The following RECQL4 variants were observed in gnomAD, a reference collection of about 807,000 sequenced individuals.
The protein encoded by RECQL4 is ATP-dependent DNA helicase Q4.
Under a neutral mutation model 128.6 loss-of-function variants are expected in RECQL4, and 158 were observed. The observed-to-expected ratio is 1.23, with a 90% CI of 1.08 to 1.40. The LOEUF (loss-of-function observed/expected upper bound fraction) is 1.40. Ranked by LOEUF, RECQL4 falls within the 40% of genes most tolerant of loss-of-function variation. RECQL4 has a pLI of 0.00. For synonymous variants in RECQL4, 996 were observed against 678.9 expected, an observed-to-expected ratio of 1.47 and a Z score of -7.26; for missense variants, 2,293 against 1,649.8, an observed-to-expected ratio of 1.39 and a Z score of -6.75.
intron 2 of RECQL4, 38 bp from the exon 3 acceptor site, chr8:144,517,546 C>G (rs1390250924): frequency 2.6e-6 from 4 of 1,531,128 alleles, no homozygotes; most frequent in Non-Finnish European, 2.6e-6. Context: ...AGGGTGGGGC[C>G]TGGGCCCCTG....
intron 13 of RECQL4, 28 bp downstream of exon 13, chr8:144,513,543 G>C (rs375367152): frequency 7.5e-6 from 12 of 1,610,572 alleles, no homozygotes; most frequent in Non-Finnish European, 9.3e-6. Flanking sequence ...GTGGGTCCAC[G>C]GGGACACCAG....
In RECQL4 at chr8:144,515,039, G is replaced by A. The variant is rs1237298928; in HGVS notation, c.1517C>T (p.Ala506Val). Residue 506 changes from alanine to valine, a missense_variant, in exon 9 of 21, where the codon GCC becomes GTC. Coordinates refer to ENST00000617875, the MANE Select transcript of RECQL4 (RefSeq NM_004260.4). ...GAGCTGGTAGCACAGGGACTTGCCG[G>A]CACCTGTAGGCAGCACCAGCAGCGT... The part of the protein sequence containing the change: ...ISTLLVLPTG[A>V]GKSLCYQLPA... The A allele has an allele frequency of 6.2e-7, 1 of 1,609,376 alleles. No homozygotes were observed. Among genetic ancestry groups the A allele is most frequent in the South Asian group, 1.1e-5 (1 of 90,396 alleles).
Position 144,513,834 on chromosome 8 carries a change from A to AGGGGTCAGCGTGGGCGGTGGGGAGTGAGG in RECQL4, c.2058+93_2058+94insCCTCACTCCCCACCGCCCACGCTGACCCC. On this transcript the variant is annotated intron_variant, in intron 12 of 20. Coordinates refer to ENST00000617875, the MANE Select transcript of RECQL4 (RefSeq NM_004260.4). ...GTCGGCGTGGGCGGTGGGGAGTGAG[A>AGGGGTCAGCGTGGGCGGTGGGGAGTGAGG]AGGGGTCGGCGTGGGCGGTGGGGAG... 5.3e-6 allele frequency: 3 copies of AGGGGTCAGCGTGGGCGGTGGGGAGTGAGG among 566,268 alleles called. 1 individual carries two copies. The highest frequency in any genetic ancestry group is 7.8e-6 in the Non-Finnish European group (3 of 386,882). The allele number at this position is 566,268 out of a possible 1,614,324, so 35.1% of individuals were successfully genotyped here.
At position 144,515,858 on chromosome 8, in the gene RECQL4, C is replaced by T; in HGVS notation, c.1164G>A (p.Glu388=). The part of the protein sequence containing the change: ...AWKQKWRKKG[E]CFGGGGATVT... Reference sequence around the variant, plus strand: ...CTGTGGCACCACCACCCCCAAAACACTCCCCTTTCTTCCGCCACTTCTGCT... The same window carrying T: ...CTGTGGCACCACCACCCCCAAAACATTCCCCTTTCTTCCGCCACTTCTGCT... Residue 388 remains glutamate, a synonymous_variant, in exon 6 of 21, where the codon GAG becomes GAA. Coordinates refer to ENST00000617875, the MANE Select transcript of RECQL4 (RefSeq NM_004260.4). The T allele has an allele frequency of 5.6e-6, 9 of 1,612,982 alleles. No individual in the cohort carries two copies. The highest frequency in any genetic ancestry group is 7.6e-6 in the Non-Finnish European group (9 of 1,179,820).
At chr8:144,517,656 C>T in intron 1 of RECQL4, 21 bp from the exon 2 acceptor site, 3 of 1,472,032 alleles carry the variant, frequency 2.0e-6, no homozygotes, top group East Asian at 5.9e-5. Flanking sequence ...AACGCGTCAG[C>T]CGCGGGCCGC....
At position 144,511,806 on chromosome 8, in the gene RECQL4, A is replaced by T. The variant is rs761949478; in HGVS notation, c.3394-17T>A. ...ATCCTGGAGCTGTGTGGACAGGCACATCAGGCTTCCTCTGAGCTCCCGTGG... is the reference window on the plus strand; with the variant it reads ...ATCCTGGAGCTGTGTGGACAGGCACTTCAGGCTTCCTCTGAGCTCCCGTGG... On this transcript the variant is annotated splice_polypyrimidine_tract_variant and intron_variant, in intron 19 of 20. Coordinates refer to ENST00000617875, the MANE Select transcript of RECQL4 (RefSeq NM_004260.4). 1.1e-5 allele frequency: 17 copies of T among 1,611,972 alleles called. No individual in the cohort carries two copies. Among genetic ancestry groups the T allele is most frequent in the Non-Finnish European group, 1.1e-5 (13 of 1,179,500 alleles).
At position 144,513,215 on chromosome 8, in the gene RECQL4, A is replaced by G. The variant is rs538535710; in HGVS notation, c.2463+3T>C. ...TGGCAGTGTGGGGGGGGGGGGTGCC[A>G]ACCTGGGGCTGCAGGAAGAGGTGGC... On this transcript the variant is annotated splice_donor_region_variant and intron_variant, in intron 14 of 20. Coordinates refer to ENST00000617875, the MANE Select transcript of RECQL4 (RefSeq NM_004260.4). The G allele has an allele frequency of 4.7e-5, 74 of 1,568,178 alleles. 1 individual carries two copies. In the East Asian group the frequency reaches 6.1e-4, roughly 13 times the overall value.
rs750896736 is a variant in RECQL4 at position 144,513,496 on chromosome 8, G to T, written c.2201-16C>A. On this transcript the variant is annotated splice_polypyrimidine_tract_variant and intron_variant, in intron 13 of 20. Coordinates refer to ENST00000617875, the MANE Select transcript of RECQL4 (RefSeq NM_004260.4). ...GGGGCACGACCTTTGGGGAAGACAG[G>T]CAGATGGTCAGTGGGATGGGACCAT... is the stretch of plus-strand genomic sequence containing the variant. 6.2e-7 allele frequency: 1 copy of T among 1,610,270 alleles called. No individual in the cohort carries two copies. The highest frequency in any genetic ancestry group is 1.1e-5 in the South Asian group (1 of 91,062).
Position 144,513,666 on chromosome 8 carries a change from G to A in RECQL4, c.2105C>T (p.Ser702Phe), listed in dbSNP as rs1320752740. 1 of 1,560,912 alleles carries A rather than the reference G, an allele frequency of 6.4e-7. No individual in the cohort carries two copies. Among genetic ancestry groups the A allele is most frequent in the Non-Finnish European group, 8.7e-7 (1 of 1,153,040 alleles). ...GCGCCGGTTGCAGTAAATGATAATG[G>A]AATCGAGGTTTTGAAAACGTTTGCC... ...LQGKRFQNLD[S>F]IIIYCNRRED... The change falls in exon 13 of 21, where the codon TCC (serine) becomes TTC (phenylalanine). Residue 702 changes from serine (S) to phenylalanine (F), a missense_variant. Transcript: ENST00000617875.
At position 144,512,579 on chromosome 8, in the gene RECQL4, G is replaced by T; in HGVS notation, c.2886-18C>A. 2 of 1,612,324 alleles carry T rather than the reference G, an allele frequency of 1.2e-6. No individual in the cohort carries two copies. The highest frequency in any genetic ancestry group is 1.7e-6 in the Non-Finnish European group (2 of 1,179,584). ...GGGGACACCTGTGCCCAGGGAAAAA[G>T]GGACATGTGGCCAACAGCCCTGATT... On this transcript the variant is annotated intron_variant, in intron 16 of 20. Transcript: ENST00000617875.
In RECQL4 at chr8:144,513,592, C is replaced by T. The variant is rs773424301; in HGVS notation, c.2179G>A (p.Ala727Thr). The change falls in exon 13 of 21, where the codon GCC (alanine) becomes ACC (threonine). Residue 727 changes from alanine (A) to threonine (T), a missense_variant. Coordinates refer to ENST00000617875, the MANE Select transcript of RECQL4 (RefSeq NM_004260.4). ...GCACCTCCAGACCCTGGGACCCAGG[C>T]TGCGTGCAGGCAGGTTCGGAGGAGC... ...AALLRTCLHA[A>T]WVPGSGGRAP... 3 of 1,609,864 alleles carry T rather than the reference C, an allele frequency of 1.9e-6. No individual in the cohort carries two copies. Among genetic ancestry groups the T allele is most frequent in the Non-Finnish European group, 2.5e-6 (3 of 1,178,738 alleles).
rs779276650 is a variant in RECQL4, at chr8:144,512,650, C to T, written c.2877G>A (p.Leu959=). The change falls in exon 16 of 21, where the codon CTG becomes CTA. Residue 959 remains leucine, a synonymous_variant. Transcript: ENST00000617875. The part of the protein sequence containing the change: ...CPGGPAQLQA[L]AHRCPPLAVC... ...GGGCAGGGCGTGCTTACCTGTGGGC[C>T]AGGGCCTGGAGCTGGGCAGGGCCCC... 7 of 1,612,538 alleles carry T rather than the reference C, an allele frequency of 4.3e-6. No individual in the cohort carries two copies. Among genetic ancestry groups the T allele is most frequent in the South Asian group, 1.1e-5 (1 of 91,090 alleles).
chr8:144,512,661 G>A lies in RECQL4; in HGVS notation c.2866C>T (p.Leu956Phe), dbSNP rs1827472743. ...GCTTACCTGTGGGCCAGGGCCTGGA[G>A]CTGGGCAGGGCCCCCAGGGCAGTTC... ...RLNCPGGPAQ[L>F]QALAHRCPPL... The change falls in exon 16 of 21, where the codon CTC becomes TTC. Residue 956 changes from leucine (L) to phenylalanine (F), a missense_variant. Physicochemically the swap from Leu to Phe is conservative, Grantham distance 22. Transcript: ENST00000617875. 2 of 1,612,574 alleles carry A rather than the reference G, an allele frequency of 1.2e-6. No individual in the cohort carries two copies. The highest frequency in any genetic ancestry group is 2.2e-5 in the East Asian group (1 of 44,878).
At chr8:144,512,596 G>A (rs1827459183) in intron 16 of RECQL4, 35 bp from the exon 17 acceptor site, 1 of 1,611,946 alleles carries the variant, frequency 6.2e-7, no homozygotes, top group Non-Finnish European at 8.5e-7. Context: ...GTGGCCAACA[G>A]CCCTGATTCT....
In RECQL4 at chr8:144,513,444, G is replaced by T. The variant is rs201883228; in HGVS notation, c.2237C>A (p.Ala746Glu). ...CCGCCGTTCCCGGCTGCACATGCCC[G>T]CGTGGTAGGCCTCGGCTGTGGTTTT... Reference protein sequence around the residue: ...APKTTAEAYHAGMCSRERRRV... With the variant: ...APKTTAEAYHEGMCSRERRRV... Residue 746 changes from alanine (A) to glutamate (E), a missense_variant, in exon 14 of 21, where the codon GCG becomes GAG. Physicochemically the swap from Ala to Glu is moderately radical, Grantham distance 107 (BLOSUM62 -1). Transcript: ENST00000617875. The T allele has an allele frequency of 7.5e-6, 12 of 1,609,566 alleles. No individual in the cohort carries two copies. In the African/African-American group the frequency reaches 1.5e-4, roughly 20 times the overall value.
rs587778643 is a variant in RECQL4 at position 144,514,494 on chromosome 8, G to T, written c.1652C>A (p.Ala551Asp). The T allele has an allele frequency of 1.9e-6, 3 of 1,612,170 alleles. No individual in the cohort carries two copies. Among genetic ancestry groups the T allele is most frequent in the Non-Finnish European group, 2.5e-6 (3 of 1,179,588 alleles). The change falls in exon 10 of 21, where the codon GCC becomes GAC. Residue 551 changes from alanine to aspartate, a missense_variant. Transcript: ENST00000617875. ...CCTGGTCATGCCCGAGTGTATGCAG[G>T]CCGCCTTGAGACACGGTGGCAGGCC... Reference protein sequence around the residue: ...VSGLPPCLKAACIHSGMTRKQ... With the variant: ...VSGLPPCLKADCIHSGMTRKQ...
In RECQL4 at chr8:144,514,373, C is replaced by T. The variant is rs777872717; in HGVS notation, c.1705-11G>A. The T allele has an allele frequency of 8.8e-6, 14 of 1,599,238 alleles. No individual in the cohort carries two copies. In the African/African-American group the frequency reaches 1.9e-4, roughly 21 times the overall value. On this transcript the variant is annotated splice_polypyrimidine_tract_variant and intron_variant, in intron 10 of 20. Transcript: ENST00000617875. ...CTGGGCTGCCCGAATCTGAAGGCAG[C>T]AAGATCAGAGGCACAGCCCAGGTGC...
Position 144,514,313 on chromosome 8 carries a change from A to C in RECQL4, c.1754T>G (p.Val585Gly), listed in dbSNP as rs927576418. The change falls in exon 11 of 21, where the codon GTG becomes GGG. Residue 585 changes from valine to glycine, a missense_variant. Coordinates refer to ENST00000617875, the MANE Select transcript of RECQL4 (RefSeq NM_004260.4). The part of the protein sequence containing the change: ...HVLMLTPEAL[V>G]GAGGLPPAAQ... ...GGCTGGAGGGAGGCCTCCCGCCCCC[A>C]CCAGTGCCTCAGGTGTCAGCATCAG... is the stretch of plus-strand genomic sequence containing the variant. The C allele has an allele frequency of 1.2e-6, 2 of 1,609,306 alleles. No homozygotes were observed. The highest frequency in any genetic ancestry group is 1.3e-5 in the African/African-American group (1 of 74,830).
rs754354054 is a variant in RECQL4, at chr8:144,515,359, G to C, written c.1357C>G (p.Leu453Val). The C allele has an allele frequency of 2.5e-6, 4 of 1,612,788 alleles. No individual in the cohort carries two copies. Among genetic ancestry groups the C allele is most frequent in the Non-Finnish European group, 3.4e-6 (4 of 1,179,846 alleles). Residue 453 changes from leucine (L) to valine (V), a missense_variant, in exon 7 of 21, where the codon CTC becomes GTC. Leu to Val is a conservative substitution (Grantham distance 32). Coordinates refer to ENST00000617875, the MANE Select transcript of RECQL4 (RefSeq NM_004260.4). ...TGCCCTGAGGGCCCCAGGGAGTAGAGTGGCAGCACGGTGGGGTCCAGGCTG... is the reference window on the plus strand; with the variant it reads ...TGCCCTGAGGGCCCCAGGGAGTAGACTGGCAGCACGGTGGGGTCCAGGCTG... ...VPSLDPTVLP[L>V]YSLGPSGQLA...
Sources: gnomAD v4.1 joint callset for allele counts on GRCh38, gnomAD v4.1.1 for gene constraint, MANE v1.5 for transcripts, NCBI Gene and HGNC (gene_info 2026-07-23, HGNC 2026-07-21) for gene names.